Variants in HK1 observed in about 807,000 individuals in gnomAD.
HK1 encodes hexokinase-1.
Under a neutral mutation model 91.6 loss-of-function variants are expected in HK1, and 28 were observed. The observed-to-expected ratio is 0.31, with a 90% confidence interval of 0.23 to 0.42. The LOEUF (loss-of-function observed/expected upper bound fraction) is 0.42, where lower values mean the gene tolerates loss of function less well. Ranked by LOEUF, HK1 falls within the 10% of genes least tolerant of loss-of-function variation. The pLI, the probability that HK1 is intolerant of heterozygous loss-of-function variation, is 1.00. For missense variants in HK1, 770 were observed against 1,219.8 expected (o/e 0.63, Z 5.49); for synonymous variants, 430 against 468.1 (o/e 0.92, Z 1.05).
chr10:69,391,517 C>T (rs558109627), intron 14 of HK1, among the ~76,000 whole-genome samples: 1 of 152,338 alleles, frequency 6.6e-6, no homozygotes, highest in South Asian at 2.1e-4. Flanking sequence ...GATGGTGGTG[C>T]CTGTAGTCCA....
At chr10:69,377,151 T>G in intron 8 of HK1, 62 bp downstream of exon 8, 2 of 1,588,132 alleles carry the variant, frequency 1.3e-6, no homozygotes, top group Non-Finnish European at 1.7e-6. Context: ...AATTGGTCCC[T>G]TGTTACTTCT....
intron 7 of HK1, among the ~76,000 whole-genome samples, chr10:69,370,708 T>C (rs952957476): frequency 1.2e-4 from 19 of 152,182 alleles, no homozygotes; most frequent in Admixed American, 1.1e-3. Context: ...ATAAGTCATG[T>C]AGACGTTAGG....
intron 7 of HK1, among the ~76,000 whole-genome samples, chr10:69,372,844 A>G (rs931837295): frequency 1.1e-4 from 16 of 151,788 alleles, no homozygotes; most frequent in Non-Finnish European, 1.9e-4. Context: ...GGCGATTCCA[A>G]TTTTTAACCA....
intron 9 of HK1, 129 bp from the exon 10 acceptor site, chr10:69,382,358 G>A: frequency 2.0e-6 from 2 of 998,954 alleles, no homozygotes; most frequent in South Asian, 2.7e-5. Flanking sequence ...CTGGGTGACA[G>A]AGCAAGACCC....
intron 2 of HK1, among the ~76,000 whole-genome samples, chr10:69,350,423 G>A (rs1848785626): frequency 1.3e-5 from 2 of 152,300 alleles, no homozygotes; most frequent in Non-Finnish European, 2.9e-5. Context: ...AGCACTTTGG[G>A]AGGCCGAGGT....
intron 1 of HK1, among the ~76,000 whole-genome samples, chr10:69,330,267 G>A (rs939034593): frequency 6.6e-6 from 1 of 152,202 alleles, no homozygotes; most frequent in Non-Finnish European, 1.5e-5. Context: ...CTGTGATAAA[G>A]ACACCACCTC....
At chr10:69,375,830 G>C (rs1292990060) in intron 7 of HK1, among the ~76,000 whole-genome samples, 1 of 152,178 alleles carries the variant, frequency 6.6e-6, no homozygotes, top group African/African-American at 2.4e-5. Flanking sequence ...GTTCTTGCCA[G>C]CTCCCGGCTG....
rs1839788110 is a variant in HK1, at chr10:69,389,313, G to T, written c.2035+17G>T. The stretch of plus-strand genomic sequence containing the variant: ...TCATTGTTGGTGAGTGTCCTGGAAG[G>T]TCTCTTTCCCTGCAGAAGGGAAGGC... On this transcript the variant is annotated intron_variant, in intron 14 of 17. Transcript: ENST00000359426. 1 of 1,579,474 alleles carries T rather than the reference G, an allele frequency of 6.3e-7. No homozygotes were observed. Among genetic ancestry groups the T allele is most frequent in the East Asian group, 2.3e-5 (1 of 44,064 alleles).
chr10:69,319,042 G>A (rs1245280290), intron 1 of HK1, 32 bp downstream of exon 1: 3 of 1,581,086 alleles, frequency 1.9e-6, no homozygotes, highest in Non-Finnish European at 1.7e-6. Context: ...CGCTGGTCCT[G>A]GCCGCAGCCT....
chr10:69,293,200 C>A (rs558360075), intron 3 of HK1, among the ~76,000 whole-genome samples: 1 of 152,336 alleles, frequency 6.6e-6, no homozygotes, highest in South Asian at 2.1e-4. Context: ...CCTTGGGTAG[C>A]CTTCTTCTGT....
intron 1 of HK1, among the ~76,000 whole-genome samples, chr10:69,333,144 G>A (rs1266342885): frequency 2.0e-5 from 3 of 152,216 alleles, no homozygotes; most frequent in East Asian, 1.9e-4. Flanking sequence ...ACAAGAGATC[G>A]AAGTGACTTG....
chr10:69,288,884 T>G, intron 3 of HK1: 1 of 844,582 alleles, frequency 1.2e-6, no homozygotes, highest in South Asian at 1.4e-5. Flanking sequence ...CCTCCCGGGT[T>G]CAAGCGATTC....
intron 2 of HK1, among the ~76,000 whole-genome samples, chr10:69,349,963 A>C (rs1402703593): frequency 2.0e-5 from 3 of 152,176 alleles, no homozygotes; most frequent in African/African-American, 7.2e-5. Context: ...TCTGTCTCTT[A>C]CTAGTTCAGT....
In HK1 at chr10:69,295,692, A is replaced by ATT. The variant is rs111682217; in HGVS notation, c.-67+22_-67+23dup. On this transcript the variant is annotated intron_variant, in intron 4 of 21. Transcript: ENST00000360289. ...TTGCTGAAAGTGAGGTAAGAAAGCT[A>ATT]TTTTTTTTTTTATTTCCTTCTGTAA... 53 of 1,452,142 alleles carry ATT rather than the reference A, an allele frequency of 3.6e-5. 1 individual carries two copies. The highest frequency in any genetic ancestry group is 2.5e-4 in the African/African-American group (18 of 70,892). 90.0% of individuals were successfully genotyped at this position (1,452,142 alleles called of 1,614,324 possible). A position where few individuals can be genotyped will look rare whatever the true frequency, so the allele number is the denominator to read the frequency against.
rs763119877 is a variant in HK1, at chr10:69,343,921, G to A, written c.158G>A (p.Arg53Gln). Residue 53 changes from arginine (R) to glutamine (Q), a missense_variant, in exon 2 of 18, where the codon CGG becomes CAG. This residue lies in a region of HK1 where 449 missense variants were observed against 665.1 expected (regional missense o/e 0.68). Transcript: ENST00000359426. ...FRKEMKNGLS[R>Q]DFNPTATVKM... The stretch of plus-strand genomic sequence containing the variant: ...AAGGAGATGAAGAATGGCCTCTCCC[G>A]GGATTTTAATCCAACAGCCACAGTC... The A allele has an allele frequency of 6.2e-7, 1 of 1,613,952 alleles. No homozygotes were observed. Among genetic ancestry groups the A allele is most frequent in the Non-Finnish European group, 8.5e-7 (1 of 1,179,874 alleles).
rs1488808485 is a variant in HK1 at position 69,369,022 on chromosome 10, C to T, written c.592-215C>T. 6.6e-6 allele frequency among the ~76,000 whole-genome samples: 1 copy of T among 152,198 alleles called. No individual in the cohort carries two copies. Among genetic ancestry groups the T allele is most frequent in the Non-Finnish European group, 1.5e-5 (1 of 68,030 alleles). On this transcript the variant is annotated intron_variant, in intron 5 of 17. Coordinates refer to ENST00000359426, the MANE Select transcript of HK1 (RefSeq NM_000188.3). The surrounding 1 kb of genome is among the most constrained non-coding windows in gnomAD (Gnocchi z 4.4). ...GAGTAAAATCCCCACTACCCAAAGA[C>T]TCTTAAGCCAGGTAATTAAGGAAAC...
chr10:69,316,176 C>T (rs10998713), upstream of HK1, among the ~76,000 whole-genome samples: 3,112 of 152,158 alleles, frequency 0.02, 109 homozygotes, highest in African/African-American at 0.069. Context: ...GGGAAGTGGC[C>T]TTGTTGCGGC....
rs1489636718 is a variant in HK1 at position 69,384,384 on chromosome 10, T to A, written c.1622T>A (p.Leu541Gln). The change falls in exon 11 of 18, where the codon CTG becomes CAG. Residue 541 changes from leucine (L) to glutamine (Q), a missense_variant. Leu to Gln is a moderately radical substitution (Grantham distance 113). Around this residue, in one of 7 missense-constraint regions of HK1, gnomAD observed 48 missense variants for 128.2 expected, o/e 0.37. Coordinates refer to ENST00000359426, the MANE Select transcript of HK1 (RefSeq NM_000188.3). ...CTTGGAGGAACCAATTTCCGTGTGC[T>A]GCTGGTGAAAATCCGTAGTGGGAAA... The part of the protein sequence containing the change: ...LDLGGTNFRV[L>Q]LVKIRSGKKR... 6.2e-7 allele frequency: 1 copy of A among 1,614,246 alleles called. No individual in the cohort carries two copies. Among genetic ancestry groups the A allele is most frequent in the Non-Finnish European group, 8.5e-7 (1 of 1,180,032 alleles).
rs117321790 is a variant in HK1 at position 69,339,422 on chromosome 10, C to T, written c.64-4405C>T. 7.6e-3 allele frequency among the ~76,000 whole-genome samples: 1,158 copies of T among 152,346 alleles called. 41 individuals carry two copies. Among genetic ancestry groups the T allele is most frequent in the Admixed American group, 0.059 (909 of 15,306 alleles). On this transcript the variant is annotated intron_variant, in intron 1 of 17. Transcript: ENST00000359426. Reference sequence around the variant, plus strand: ...ATCCAGGAGGCCCCAGTTTCAGTTCCGGCCTTGCCTCAATTGGGCCTCCCT... The same window carrying T: ...ATCCAGGAGGCCCCAGTTTCAGTTCTGGCCTTGCCTCAATTGGGCCTCCCT...
Sources: gnomAD v4.1 joint callset for allele counts (sites outside exome capture counted in the v4.1 genomes callset) on GRCh38, gnomAD v4.1.1 for gene constraint, gnomAD v4.1.1 regional missense constraint, Gnocchi (gnomAD v3.1) non-coding constraint, MANE v1.5 for transcripts, NCBI Gene and HGNC (gene_info 2026-07-23, HGNC 2026-07-21) for gene names.